The following ANXA9 variants were observed in gnomAD, a reference collection of about 807,000 sequenced individuals.
ANXA9 encodes annexin A9, also known as annexin 31.
A neutral mutation model predicts 51.8 loss-of-function variants in ANXA9; 47 were observed. The observed-to-expected ratio is 0.91, with a 90% confidence interval of 0.72 to 1.16. The LOEUF (loss-of-function observed/expected upper bound fraction) is 1.16. ANXA9 is among the 50% of genes most tolerant of loss of function. The pLI is 0.00. For missense variants in ANXA9, 361 were observed against 424.7 expected, an observed-to-expected ratio of 0.85 and a Z score of 1.32; for synonymous variants, 154 against 168.7, an observed-to-expected ratio of 0.91 and a Z score of 0.68.
At chr1:150,993,635 T>C (rs1671760512) in intron 12 of ANXA9, among the ~76,000 whole-genome samples, 1 of 61,296 alleles carries the variant, frequency 1.6e-5, no homozygotes, top group Admixed American at 1.4e-4. Flanking sequence ...CTTTCTTTCT[T>C]TTTTTTTTTT....
intron 10 of ANXA9, 43 bp downstream of exon 10, chr1:150,987,999 CA>C (rs1671609090): frequency 1.2e-6 from 2 of 1,613,546 alleles, no homozygotes; most frequent in Middle Eastern, 1.6e-4. Flanking sequence ...CTCTAATGAT[CA>C]GTTTGGGCTG....
rs759390638 is a variant in ANXA9, at chr1:150,984,331, T to G, written c.318T>G (p.Ile106Met). The G allele has an allele frequency of 1.2e-6, 2 of 1,614,118 alleles. No homozygotes were observed. The change falls in exon 6 of 14, where the codon ATT (isoleucine) becomes ATG (methionine). Residue 106 changes from isoleucine (I) to methionine (M), a missense_variant. Coordinates refer to ENST00000368947, the MANE Select transcript of ANXA9 (RefSeq NM_003568.3). ...QAALSGNLER[I>M]VMALLQPTAQ... ...CACTTTCCGGCAACCTGGAGAGGAT[T>G]GTGATGGCTCTGCTGCAGCCCACAG...
At chr1:150,977,917 C>A (rs187100668), upstream of ANXA9, among the ~76,000 whole-genome samples, 82 of 152,220 alleles carry the variant, frequency 5.4e-4, 1 homozygote, top group Admixed American at 4.6e-3. Flanking sequence ...GGGTGGATCA[C>A]CTGCGGTCAG....
chr1:150,989,236 C>T (rs1043805795), intron 12 of ANXA9, among the ~76,000 whole-genome samples: 3 of 151,896 alleles, frequency 2.0e-5, no homozygotes, highest in South Asian at 2.1e-4. Flanking sequence ...GTCTCGGCCT[C>T]CCGAAGTGCT....
chr1:150,981,663 T>C (rs1273122170), upstream of ANXA9, among the ~76,000 whole-genome samples: 1 of 152,258 alleles, frequency 6.6e-6, no homozygotes, highest in Non-Finnish European at 1.5e-5. Context: ...AGCTTCCCTC[T>C]GAAGGTAACA....
At chr1:150,987,360 G>A (rs375799711) in intron 9 of ANXA9, among the ~76,000 whole-genome samples, 4 of 126,676 alleles carry the variant, frequency 3.2e-5, no homozygotes, top group East Asian at 2.3e-4. Flanking sequence ...CATCTCTCTC[G>A]CTCTCTCTCT....
intron 12 of ANXA9, among the ~76,000 whole-genome samples, chr1:150,990,872 C>T (rs993191435): frequency 4.6e-5 from 7 of 151,754 alleles, no homozygotes; most frequent in Admixed American, 3.3e-4. Context: ...AGGCCAGGCG[C>T]GGTGGCTCAT....
intron 4 of ANXA9, 35 bp from the exon 5 acceptor site, chr1:150,983,940 A>T (rs1400737609): frequency 1.3e-6 from 2 of 1,589,912 alleles, no homozygotes; most frequent in South Asian, 2.3e-5. Flanking sequence ...CTATGTAAAG[A>T]CCCTGCTCAC....
In ANXA9 at chr1:150,994,300, G is replaced by A. The variant is rs146236226; in HGVS notation, c.853-277G>A. On this transcript the variant is annotated intron_variant, in intron 12 of 13. Transcript: ENST00000368947. ...TGGAGCTGCTCACCACCAAATTCTG[G>A]AGGTACACAGCTCTAAGCTAATGGT... 6.3e-3 allele frequency among the ~76,000 whole-genome samples: 965 copies of A among 152,122 alleles called. 16 individuals are homozygous for A. Among genetic ancestry groups the A allele is most frequent in the African/African-American group, 0.022 (931 of 41,478 alleles).
upstream of ANXA9, among the ~76,000 whole-genome samples, chr1:150,977,901 C>A (rs182908944): frequency 6.6e-6 from 1 of 152,142 alleles, no homozygotes; most frequent in Non-Finnish European, 1.5e-5. Context: ...TTTGGGAGGC[C>A]GAGGTGGGTG....
chr1:150,992,250 G>A (rs587618773), intron 12 of ANXA9, among the ~76,000 whole-genome samples: 2 of 151,754 alleles, frequency 1.3e-5, no homozygotes, highest in East Asian at 2.0e-4. Context: ...CCAGGTATAC[G>A]ATTAAGTATT....
chr1:150,993,942 C>A (rs994269635), intron 12 of ANXA9, among the ~76,000 whole-genome samples: 1 of 152,042 alleles, frequency 6.6e-6, no homozygotes, highest in Non-Finnish European at 1.5e-5. Context: ...CCTGTTATTT[C>A]TAAACTGAAC....
Position 150,988,132 on chromosome 1 carries a change from G to A in ANXA9, c.739G>A (p.Glu247Lys), listed in dbSNP as rs1671613862. 3.1e-6 allele frequency: 5 copies of A among 1,614,084 alleles called. No homozygotes were observed. Among genetic ancestry groups the A allele is most frequent in the African/African-American group, 1.3e-5 (1 of 74,912 alleles). ...YQRSTGQELEEAVQNRFHGDA... is the reference protein window; with the variant it reads ...YQRSTGQELEKAVQNRFHGDA... ...GCGGAGCACTGGGCAAGAGCTGGAG[G>A]AGGCTGTCCAGAACCGTTTCCATGG... The change falls in exon 11 of 14, where the codon GAG (glutamate) becomes AAG (lysine). Residue 247 changes from glutamate to lysine, a missense_variant. By Grantham distance (56) the Glu-to-Lys change is moderately conservative. Transcript: ENST00000368947.
intron 7 of ANXA9, among the ~76,000 whole-genome samples, chr1:150,985,962 C>T (rs1012597521): frequency 6.6e-6 from 1 of 151,932 alleles, no homozygotes; most frequent in Non-Finnish European, 1.5e-5. Flanking sequence ...CTTTTCCTTC[C>T]TCATATCCCA....
intron 7 of ANXA9, among the ~76,000 whole-genome samples, chr1:150,985,217 CACAAAT>C (rs1281405249): frequency 6.9e-6 from 1 of 145,900 alleles, no homozygotes. Flanking sequence ...CACACACACA[CACAAAT>C]AAAGAGAGAG....
At chr1:150,983,867 C>G in intron 4 of ANXA9, 108 bp from the exon 5 acceptor site, 1 of 1,055,528 alleles carries the variant, frequency 9.5e-7, no homozygotes, top group South Asian at 1.5e-5. Flanking sequence ...ATAGCCCCTG[C>G]TCCTTTCCTT....
At position 150,983,452 on chromosome 1, in the gene ANXA9, G is replaced by A. The variant is rs752359389; in HGVS notation, c.172+18G>A. The A allele has an allele frequency of 1.1e-5, 18 of 1,592,664 alleles. No individual in the cohort carries two copies. The highest frequency in any genetic ancestry group is 5.7e-5 in the South Asian group (5 of 88,106). On this transcript the variant is annotated intron_variant, in intron 4 of 13. Transcript: ENST00000368947. ...TGGCCAAGGTGAGCCCCTTTCCCCC[G>A]GCACTTGAGACTGCCTTTTAGAGCC...
intron 12 of ANXA9, among the ~76,000 whole-genome samples, chr1:150,989,852 G>A (rs1020778791): frequency 1.3e-5 from 2 of 152,146 alleles, no homozygotes; most frequent in African/African-American, 2.4e-5. Context: ...AATAAAGCCT[G>A]TATGATTATA....
At chr1:150,994,493 C>G (rs1671783540) in intron 12 of ANXA9, 84 bp from the exon 13 acceptor site, 3 of 1,574,376 alleles carry the variant, frequency 1.9e-6, no homozygotes, top group Non-Finnish European at 2.6e-6. Context: ...CCTCCCCTTC[C>G]TACAATAACC....
Sources: gnomAD v4.1 joint callset for allele counts (sites outside exome capture counted in the v4.1 genomes callset) on GRCh38, gnomAD v4.1.1 for gene constraint, MANE v1.5 for transcripts, NCBI Gene and HGNC (gene_info 2026-07-23, HGNC 2026-07-21) for gene names.